The following STXBP3 variants were observed in gnomAD, a reference collection of about 807,000 sequenced individuals.
STXBP3 encodes the protein syntaxin-binding protein 3.
Under a neutral mutation model 85.7 loss-of-function variants are expected in STXBP3, and 41 were observed. That is an observed-to-expected ratio of 0.48 (90% CI 0.37 to 0.62). The LOEUF is 0.62. Ranked by LOEUF, STXBP3 falls within the 20% of genes least tolerant of loss-of-function variation. The pLI, the probability that STXBP3 is intolerant of heterozygous loss-of-function variation, is 0.00. For missense variants in STXBP3, 563 were observed against 703.1 expected (o/e 0.80, Z 2.25); for synonymous variants, 229 against 231.7 (o/e 0.99, Z 0.10).
rs115566395 is a variant in STXBP3 at position 108,789,262 on chromosome 1, C to T, written c.964-4320C>T. Among the ~76,000 whole-genome samples, 1,043 of 152,198 alleles carry T rather than the reference C, an allele frequency of 6.9e-3. 12 individuals carry two copies. The highest frequency in any genetic ancestry group is 0.024 in the African/African-American group (997 of 41,512). ...CCCATGGGTCACATACAGCCCAGGACGGCTGTGAATGTGGCCCAACACAAA... is the reference window on the plus strand; with the variant it reads ...CCCATGGGTCACATACAGCCCAGGATGGCTGTGAATGTGGCCCAACACAAA... On this transcript the variant is annotated intron_variant, in intron 11 of 18. Transcript: ENST00000370008.
At chr1:108,782,808 C>T in intron 11 of STXBP3, 102 bp downstream of exon 11, 2 of 1,127,520 alleles carry the variant, frequency 1.8e-6, no homozygotes, top group South Asian at 1.7e-5. Flanking sequence ...TTGGAAAGTT[C>T]TAACATGGAG....
At chr1:108,755,487 A>T (rs914825679) in intron 3 of STXBP3, among the ~76,000 whole-genome samples, 3 of 150,168 alleles carry the variant, frequency 2.0e-5, no homozygotes, top group Non-Finnish European at 3.0e-5. Flanking sequence ...TGGGAATTAG[A>T]TTTTTTTTTT....
intron 6 of STXBP3, among the ~76,000 whole-genome samples, chr1:108,763,101 A>G (rs1348390432): frequency 6.6e-6 from 1 of 152,262 alleles, no homozygotes; most frequent in Non-Finnish European, 1.5e-5. Flanking sequence ...TTTCTTGGCA[A>G]TAGACAGAAA....
At chr1:108,778,472 T>G (rs949048947) in intron 8 of STXBP3, among the ~76,000 whole-genome samples, 1 of 152,182 alleles carries the variant, frequency 6.6e-6, no homozygotes, top group Non-Finnish European at 1.5e-5. Flanking sequence ...AGCACAGATG[T>G]TGGAGCAAAC....
intron 15 of STXBP3, among the ~76,000 whole-genome samples, chr1:108,797,759 G>A (rs1256328873): frequency 2.5e-4 from 37 of 147,420 alleles, no homozygotes; most frequent in African/African-American, 6.3e-4. Flanking sequence ...TTTTTGAGAC[G>A]TAGTCTCACT....
Position 108,779,137 on chromosome 1 carries a change from A to G in STXBP3, c.685-149A>G, listed in dbSNP as rs546294719. 6.3e-4 allele frequency: 496 copies of G among 784,554 alleles called. 3 individuals carry two copies. Among genetic ancestry groups the G allele is most frequent in the South Asian group, 3.3e-3 (120 of 36,436 alleles). The allele number at this position is 784,554 out of a possible 1,614,324, so 48.6% of individuals were successfully genotyped here. ...ATTATAACTTCACATTCTTAAGACA[A>G]TTAACCATTTGTTTTGTTCTGTTGT... On this transcript the variant is annotated intron_variant, in intron 8 of 18. Coordinates refer to ENST00000370008, the MANE Select transcript of STXBP3 (RefSeq NM_007269.4).
chr1:108,752,971 A>T (rs1661935557), intron 2 of STXBP3, 92 bp from the exon 3 acceptor site: 1 of 925,636 alleles, frequency 1.1e-6, no homozygotes, highest in Admixed American at 3.1e-5. Context: ...TTTGTGTTAT[A>T]AAAGGCTTAT....
chr1:108,808,863 A>T lies in STXBP3; in HGVS notation c.1765A>T (p.Ile589Phe), dbSNP rs1312402176. ...LNKPKDKVSL[I>F]KDE ...TAAACCCAAGGATAAAGTCTCCTTA[A>T]TTAAAGATGAATAGCATTTCTTTTT... The change falls in exon 19 of 19, where the codon ATT (isoleucine) becomes TTT (phenylalanine). Residue 589 changes from isoleucine to phenylalanine, a missense_variant. Around this residue, in one of 3 missense-constraint regions of STXBP3, gnomAD observed 494 missense variants for 592.8 expected, o/e 0.83. Coordinates refer to ENST00000370008, the MANE Select transcript of STXBP3 (RefSeq NM_007269.4). 1.2e-6 allele frequency: 2 copies of T among 1,607,154 alleles called. No individual in the cohort carries two copies. Among genetic ancestry groups the T allele is most frequent in the African/African-American group, 2.7e-5 (2 of 74,682 alleles).
At chr1:108,748,740 G>A (rs1354829035) in intron 1 of STXBP3, among the ~76,000 whole-genome samples, 1 of 151,806 alleles carries the variant, frequency 6.6e-6, no homozygotes, top group Non-Finnish European at 1.5e-5. Context: ...GCTGAAGTGG[G>A]AGGATCGCTG....
chr1:108,771,585 TA>T lies in STXBP3; in HGVS notation c.439-1079del, dbSNP rs1662422854. On this transcript the variant is annotated intron_variant, in intron 6 of 18. Coordinates refer to ENST00000370008, the MANE Select transcript of STXBP3 (RefSeq NM_007269.4). ...TATATAAATATATATGATATATATC[TA>T]TATATATCATATATAAATATATATG... Among the ~76,000 whole-genome samples the T allele has an allele frequency of 1.5e-4, 2 of 13,690 alleles. 1 individual carries two copies. Among genetic ancestry groups the T allele is most frequent in the Non-Finnish European group, 3.7e-4 (2 of 5,458 alleles). 9.0% of individuals were successfully genotyped at this position (13,690 alleles called of 152,430 possible). A position where few individuals can be genotyped will look rare whatever the true frequency, so the allele number is the denominator to read the frequency against.
intron 15 of STXBP3, 89 bp from the exon 16 acceptor site, chr1:108,798,056 G>A: frequency 1.8e-6 from 2 of 1,103,576 alleles, no homozygotes; most frequent in Non-Finnish European, 2.6e-6. Flanking sequence ...GTATTTACTG[G>A]TAAATTAAAT....
At chr1:108,761,801 T>G (rs1414884823) in intron 6 of STXBP3, among the ~76,000 whole-genome samples, 2 of 151,962 alleles carry the variant, frequency 1.3e-5, no homozygotes, top group African/African-American at 4.8e-5. Flanking sequence ...TAAAACCCCG[T>G]CTCTACTAAA....
intron 11 of STXBP3, among the ~76,000 whole-genome samples, chr1:108,787,456 C>T (rs1464124902): frequency 6.6e-6 from 1 of 152,090 alleles, no homozygotes; most frequent in Admixed American, 6.6e-5. Context: ...AAACTAAAAA[C>T]CATGGCTTCA....
chr1:108,793,157 ATTTTTTTTTTTTTTT>A (rs745652259), intron 11 of STXBP3, among the ~76,000 whole-genome samples: 1 of 67,508 alleles, frequency 1.5e-5, no homozygotes, highest in Non-Finnish European at 2.7e-5. Context: ...TCTTATCTCC[ATTTTTTTTTTTTTTT>A]TTTTTTTTTT....
intron 15 of STXBP3, 128 bp from the exon 16 acceptor site, chr1:108,798,017 A>T: frequency 1.3e-6 from 1 of 743,250 alleles, no homozygotes. Context: ...AGGCATCTCC[A>T]CTCTTAGTTT....
At chr1:108,755,813 A>C (rs1023342656) in intron 3 of STXBP3, among the ~76,000 whole-genome samples, 3 of 152,220 alleles carry the variant, frequency 2.0e-5, no homozygotes, top group African/African-American at 7.2e-5. Context: ...AAAAAGATTA[A>C]ATTTTTCCTT....
At chr1:108,794,614 C>T (rs1663050584) in intron 12 of STXBP3, among the ~76,000 whole-genome samples, 1 of 152,310 alleles carries the variant, frequency 6.6e-6, no homozygotes, top group East Asian at 1.9e-4. Context: ...ATGGGAACTA[C>T]AAGATGAGAT....
intron 1 of STXBP3, among the ~76,000 whole-genome samples, chr1:108,748,836 A>C (rs1661848608): frequency 6.6e-6 from 1 of 152,200 alleles, no homozygotes; most frequent in East Asian, 1.9e-4. Context: ...GTCTCAAAAA[A>C]CAAAAACAAA....
At chr1:108,776,164 G>A (rs1453587102) in intron 7 of STXBP3, among the ~76,000 whole-genome samples, 169 bp from the exon 8 acceptor site, 19 of 151,734 alleles carry the variant, frequency 1.3e-4, no homozygotes, top group Non-Finnish European at 4.4e-5. Context: ...CAAATATATC[G>A]ATATAAGATT....
Sources: allele counts gnomAD v4.1 joint callset (sites outside exome capture counted in the v4.1 genomes callset), GRCh38; gene constraint gnomAD v4.1.1; regional missense constraint gnomAD v4.1.1; transcripts MANE v1.5; gene names NCBI Gene and HGNC (gene_info 2026-07-23, HGNC 2026-07-21).